Variants in PTPRD observed in about 807,000 individuals in gnomAD.
PTPRD encodes protein tyrosine phosphatase receptor type D, also known as receptor-type tyrosine-protein phosphatase delta.
Under a neutral mutation model 214.5 loss-of-function variants are expected in PTPRD, and 34 were observed. The observed-to-expected ratio is 0.16, with a 90% CI of 0.12 to 0.21. The LOEUF is 0.21. Ranked by LOEUF, PTPRD falls within the 10% of genes least tolerant of loss-of-function variation. The pLI is 1.00. For missense variants in PTPRD, 2,545 were observed against 2,398.7 expected (o/e 1.06, Z -1.27); for synonymous variants, 1,128 against 845.7 (o/e 1.33, Z -5.79).
chr9:9,084,796 T>C (rs1331396961), intron 10 of PTPRD, among the ~76,000 whole-genome samples: 1 of 152,176 alleles, frequency 6.6e-6, no homozygotes, highest in East Asian at 1.9e-4. Flanking sequence ...TCACGGACTG[T>C]TGTTTTGATC....
chr9:9,069,731 G>A (rs1439381444), intron 10 of PTPRD, among the ~76,000 whole-genome samples: 1 of 152,162 alleles, frequency 6.6e-6, no homozygotes, highest in African/African-American at 2.4e-5. Context: ...GTGTTAGAAT[G>A]TAAAGATGAA....
At chr9:10,370,261 T>C (rs929310868) in intron 2 of PTPRD, among the ~76,000 whole-genome samples, 1 of 152,084 alleles carries the variant, frequency 6.6e-6, no homozygotes, top group Non-Finnish European at 1.5e-5. Context: ...ATGTAGTGAA[T>C]GTAATCAGTG....
At chr9:8,451,180 G>C (rs2095932105) in intron 33 of PTPRD, among the ~76,000 whole-genome samples, 1 of 152,154 alleles carries the variant, frequency 6.6e-6, no homozygotes, top group African/African-American at 2.4e-5. Context: ...CACATGATTT[G>C]CTCAAGTGCA....
intron 7 of PTPRD, among the ~76,000 whole-genome samples, chr9:9,670,246 C>A (rs564091574): frequency 1.3e-5 from 2 of 152,146 alleles, no homozygotes; most frequent in African/African-American, 2.4e-5. Context: ...TGTCCCCACC[C>A]AAATCTCATC....
intron 8 of PTPRD, among the ~76,000 whole-genome samples, chr9:9,481,836 C>T (rs572476331): frequency 4.0e-4 from 61 of 151,938 alleles, no homozygotes; most frequent in South Asian, 2.5e-3. Flanking sequence ...CCTGGTAGCC[C>T]CTGTCCTTGC....
intron 3 of PTPRD, among the ~76,000 whole-genome samples, chr9:10,182,829 T>C (rs2099307955): frequency 6.6e-6 from 1 of 152,132 alleles, no homozygotes; most frequent in Non-Finnish European, 1.5e-5. Flanking sequence ...ACAGTATGCA[T>C]GTATGTATAT....
At chr9:9,820,863 C>A (rs1424477313) in intron 5 of PTPRD, among the ~76,000 whole-genome samples, 4 of 152,082 alleles carry the variant, frequency 2.6e-5, no homozygotes, top group Admixed American at 1.3e-4. Context: ...TGTACCAGTA[C>A]CATGCTGTTT....
At chr9:8,478,096 G>C (rs1266050149) in intron 30 of PTPRD, among the ~76,000 whole-genome samples, 1 of 152,170 alleles carries the variant, frequency 6.6e-6, no homozygotes, top group African/African-American at 2.4e-5. Context: ...TATGATCTTG[G>C]CCAGGACACT....
chr9:8,471,712 C>G (rs12346891), intron 30 of PTPRD, among the ~76,000 whole-genome samples: 5 of 152,084 alleles, frequency 3.3e-5, no homozygotes, highest in Non-Finnish European at 7.4e-5. Context: ...GCCTTCAAAA[C>G]AGCTATCACT....
intron 10 of PTPRD, among the ~76,000 whole-genome samples, chr9:9,081,466 A>G (rs142730538): frequency 1.2e-4 from 19 of 152,250 alleles, no homozygotes; most frequent in African/African-American, 4.3e-4. Context: ...AAGAATGTAT[A>G]TTCTGTTGAT....
chr9:8,783,961 G>A (rs1327512204), intron 11 of PTPRD, among the ~76,000 whole-genome samples: 1 of 152,112 alleles, frequency 6.6e-6, no homozygotes, highest in Non-Finnish European at 1.5e-5. Flanking sequence ...TGCTGCTTTG[G>A]TAATTCACGA....
At chr9:8,584,949 G>C (rs2093513670) in intron 14 of PTPRD, among the ~76,000 whole-genome samples, 1 of 152,166 alleles carries the variant, frequency 6.6e-6, no homozygotes. Context: ...GATCTCATGA[G>C]ACCTCATTCA....
At chr9:10,465,875 C>G (rs562190109) in intron 2 of PTPRD, among the ~76,000 whole-genome samples, 84 of 152,064 alleles carry the variant, frequency 5.5e-4, no homozygotes, top group Non-Finnish European at 1.0e-3. Flanking sequence ...TTATACAGAT[C>G]CTAAATACTA....
At chr9:9,992,206 G>T (rs2095962111) in intron 4 of PTPRD, among the ~76,000 whole-genome samples, 1 of 152,046 alleles carries the variant, frequency 6.6e-6, no homozygotes. Flanking sequence ...GAAAACCACT[G>T]AATTGTGTGT....
chr9:9,416,930 C>A (rs1459232082), intron 8 of PTPRD, among the ~76,000 whole-genome samples: 7 of 152,082 alleles, frequency 4.6e-5, no homozygotes, highest in African/African-American at 1.7e-4. Flanking sequence ...AATACAAGTA[C>A]TTTCACAATA....
At chr9:8,416,690 C>G (rs1328917636) in intron 35 of PTPRD, among the ~76,000 whole-genome samples, 2 of 152,118 alleles carry the variant, frequency 1.3e-5, no homozygotes, top group East Asian at 3.9e-4. Context: ...GACTGTCTTA[C>G]TCTAAACTCA....
intron 11 of PTPRD, among the ~76,000 whole-genome samples, chr9:8,967,819 T>C (rs886948112): frequency 1.9e-4 from 29 of 152,048 alleles, no homozygotes; most frequent in Non-Finnish European, 3.4e-4. Context: ...GTGTTACATA[T>C]GTATACCTGT....
chr9:10,285,310 C>G (rs7860051), intron 3 of PTPRD, among the ~76,000 whole-genome samples: 1 of 151,966 alleles, frequency 6.6e-6, no homozygotes, highest in East Asian at 1.9e-4. Flanking sequence ...ATCTACAAAA[C>G]GACTGCATTT....
At chr9:8,518,474 A>C (rs759062252) in intron 20 of PTPRD, 45 bp from the exon 21 acceptor site, 1 of 1,314,664 alleles carries the variant, frequency 7.6e-7, no homozygotes, top group Non-Finnish European at 1.0e-6. Context: ...CATCATCCCT[A>C]TAATATTTCA....
Sources: gnomAD v4.1 joint callset for allele counts (sites outside exome capture counted in the v4.1 genomes callset) on GRCh38, gnomAD v4.1.1 for gene constraint, MANE v1.5 for transcripts, NCBI Gene and HGNC (gene_info 2026-07-23, HGNC 2026-07-21) for gene names.